Variants in SERINC1 observed in about 807,000 individuals in gnomAD.
SERINC1 encodes the protein tumor differentially expressed protein 2.
A neutral mutation model predicts 52.9 loss-of-function variants in SERINC1; 38 were observed. The observed-to-expected ratio is 0.72, with a 90% CI of 0.55 to 0.94. The LOEUF is 0.94. SERINC1 is among the 40% of genes least tolerant of loss of function. The pLI, the probability that SERINC1 is intolerant of heterozygous loss-of-function variation, is 0.00. For synonymous variants in SERINC1, 198 were observed against 183.1 expected (o/e 1.08, Z -0.66); for missense variants, 471 against 533.9 (o/e 0.88, Z 1.16).
At chr6:122,448,400 T>C (rs1340934912) in intron 7 of SERINC1, among the ~76,000 whole-genome samples, 1 of 152,206 alleles carries the variant, frequency 6.6e-6, no homozygotes. Flanking sequence ...TACCTACAGT[T>C]TGTAAACTCA....
intron 1 of SERINC1, among the ~76,000 whole-genome samples, chr6:122,471,458 A>G (rs979334492): frequency 2.0e-5 from 3 of 152,246 alleles, no homozygotes; most frequent in Non-Finnish European, 4.4e-5. Context: ...TCTCTTCCTC[A>G]ATTTGAGTCA....
chr6:122,471,646 C>T (rs1775304148), intron 1 of SERINC1, 53 bp downstream of exon 1: 1 of 1,613,196 alleles, frequency 6.2e-7, no homozygotes, highest in Middle Eastern at 1.7e-4. Context: ...CTCGGATCGC[C>T]TTCTCTTTGG....
At position 122,446,847 on chromosome 6, in the gene SERINC1, TGTAA is replaced by T; in HGVS notation, c.1149_1152del (p.Tyr384ValfsTer17). The T allele has an allele frequency of 6.2e-7, 1 of 1,614,084 alleles. No individual in the cohort carries two copies. The highest frequency in any genetic ancestry group is 1.3e-5 in the African/African-American group (1 of 75,050). The stretch of plus-strand genomic sequence containing the variant: ...AGCATGAAGTGAAAGAAGGAATAAC[TGTAA>T]GTGACACCATCCCTTTCATTATCTA... On this transcript the variant is annotated frameshift_variant, in exon 9 of 10. Transcript: ENST00000339697. LOFTEE classifies it high-confidence loss of function.
intron 1 of SERINC1, among the ~76,000 whole-genome samples, chr6:122,462,004 A>G (rs1344214630): frequency 6.6e-6 from 1 of 152,208 alleles, no homozygotes; most frequent in Non-Finnish European, 1.5e-5. Context: ...CAGCAATATG[A>G]AAGTATATAA....
At chr6:122,448,415 G>C (rs1246933360) in intron 7 of SERINC1, among the ~76,000 whole-genome samples, 1 of 152,052 alleles carries the variant, frequency 6.6e-6, no homozygotes, top group Non-Finnish European at 1.5e-5. Flanking sequence ...AACTCAATGA[G>C]ATTCATATAA....
chr6:122,458,701 T>G lies in SERINC1; in HGVS notation c.40-20A>C. ...TGGTATCTGGGAAAAAGAATATTAT[T>G]GAAAATATTATTAAGAATCAGTAAA... On this transcript the variant is annotated intron_variant, in intron 1 of 9. Coordinates refer to ENST00000339697, the MANE Select transcript of SERINC1 (RefSeq NM_020755.4). 6.5e-7 allele frequency: 1 copy of G among 1,527,968 alleles called. No individual in the cohort carries two copies. The highest frequency in any genetic ancestry group is 1.2e-5 in the South Asian group (1 of 83,732). The allele number at this position is 1,527,968 out of a possible 1,614,324, so 94.7% of individuals were successfully genotyped here.
intron 2 of SERINC1, among the ~76,000 whole-genome samples, chr6:122,457,241 C>A (rs528085129): frequency 6.6e-6 from 1 of 152,236 alleles, no homozygotes; most frequent in Admixed American, 6.5e-5. Flanking sequence ...GTTATCCCTT[C>A]CCTCCCAGTT....
intron 1 of SERINC1, among the ~76,000 whole-genome samples, chr6:122,465,853 A>G (rs987318970): frequency 6.6e-6 from 1 of 152,218 alleles, no homozygotes; most frequent in Non-Finnish European, 1.5e-5. Flanking sequence ...TAAACTATAT[A>G]GTACAGGGTA....
At chr6:122,452,945 A>T (rs1194099489) in intron 5 of SERINC1, among the ~76,000 whole-genome samples, 8 of 152,314 alleles carry the variant, frequency 5.3e-5, no homozygotes. Flanking sequence ...ACTCCAATTT[A>T]AAATTTTTTT....
chr6:122,470,346 T>C (rs1775261170), intron 1 of SERINC1, among the ~76,000 whole-genome samples: 1 of 152,230 alleles, frequency 6.6e-6, no homozygotes, highest in Admixed American at 6.5e-5. Flanking sequence ...AGGGAAAACA[T>C]GTATCTCATC....
At chr6:122,459,818 G>A (rs1295778897) in intron 1 of SERINC1, among the ~76,000 whole-genome samples, 1 of 151,684 alleles carries the variant, frequency 6.6e-6, no homozygotes, top group African/African-American at 2.4e-5. Context: ...GAAATGAGAA[G>A]GGAAAAAACG....
In SERINC1 at chr6:122,451,234, A is replaced by G. The variant is rs369530909; in HGVS notation, c.850+430T>C. Among the ~76,000 whole-genome samples the G allele has an allele frequency of 6.2e-4, 95 of 152,350 alleles. No individual in the cohort carries two copies. The South Asian group carries it at 0.019, about 30-fold the overall frequency. ...CATTGAGGCAAGACCTCCTACCAGC[A>G]AAAAGATTACAACTTGATGAAGGCT... On this transcript the variant is annotated intron_variant, in intron 7 of 9. Coordinates refer to ENST00000339697, the MANE Select transcript of SERINC1 (RefSeq NM_020755.4).
chr6:122,451,780 T>TAA, intron 6 of SERINC1, 26 bp from the exon 7 acceptor site: 1 of 126,432 alleles, frequency 7.9e-6, no homozygotes, highest in Non-Finnish European at 1.2e-5. Context: ...AAAAAAAATA[T>TAA]ATATATATAT....
chr6:122,471,463 G>C (rs12662883), intron 1 of SERINC1, among the ~76,000 whole-genome samples: 82,887 of 151,988 alleles, frequency 0.55, 22,854 homozygotes, highest in South Asian at 0.68. Context: ...TCCTCAATTT[G>C]AGTCATCTTC....
intron 6 of SERINC1, 22 bp from the exon 7 acceptor site, chr6:122,451,776 A>ATATAAAT: frequency 9.2e-6 from 1 of 108,914 alleles, no homozygotes; most frequent in Non-Finnish European, 1.4e-5. Context: ...AAAAAAAAAA[A>ATATAAAT]ATATATATAT....
intron 1 of SERINC1, among the ~76,000 whole-genome samples, chr6:122,462,082 A>AG (rs1303510081): frequency 6.6e-6 from 1 of 152,204 alleles, no homozygotes; most frequent in Non-Finnish European, 1.5e-5. Flanking sequence ...ACTTTTAAAA[A>AG]TCAACCAATG....
At position 122,453,858 on chromosome 6, in the gene SERINC1, T is replaced by C. The variant is rs777092676; in HGVS notation, c.501A>G (p.Gln167=). The change falls in exon 5 of 10, where the codon CAA becomes CAG. Residue 167 remains glutamine (Q), a synonymous_variant. Coordinates refer to ENST00000339697, the MANE Select transcript of SERINC1 (RefSeq NM_020755.4). ...MAGAFCFILI[Q]LVLLIDFAHS... is the part of the protein sequence containing the mutation. ...GTGCAAAATCAATAAGTAAGACTAGTTGTATGAGGATGAAACAAAAGGCAC... is the reference window on the plus strand; with the variant it reads ...GTGCAAAATCAATAAGTAAGACTAGCTGTATGAGGATGAAACAAAAGGCAC... 5.6e-6 allele frequency: 9 copies of C among 1,607,832 alleles called. No homozygotes were observed. Among genetic ancestry groups the C allele is most frequent in the African/African-American group, 1.3e-5 (1 of 74,886 alleles).
intron 5 of SERINC1, among the ~76,000 whole-genome samples, chr6:122,452,402 ATTAC>A (rs946964245): frequency 7.2e-5 from 11 of 152,338 alleles, no homozygotes; most frequent in East Asian, 5.8e-4. Context: ...TAAGAGGAAT[ATTAC>A]TTAAGGTTTT....
intron 7 of SERINC1, among the ~76,000 whole-genome samples, chr6:122,451,111 A>T (rs577674942): frequency 6.6e-6 from 1 of 152,288 alleles, no homozygotes; most frequent in Non-Finnish European, 1.5e-5. Context: ...GGAGGAGTCA[A>T]TCAATGGGCA....
Sources: allele counts gnomAD v4.1 joint callset (sites outside exome capture counted in the v4.1 genomes callset), GRCh38; gene constraint gnomAD v4.1.1; transcripts MANE v1.5; gene names NCBI Gene and HGNC (gene_info 2026-07-23, HGNC 2026-07-21).